RAPGEF4: variants seen among roughly 807,000 people sequenced by gnomAD.
The protein encoded by RAPGEF4 is Rap guanine nucleotide exchange factor 4.
Under a neutral mutation model 147.9 loss-of-function variants are expected in RAPGEF4, and 66 were observed. The observed-to-expected ratio is 0.45, with a 90% CI of 0.37 to 0.55. The LOEUF (loss-of-function observed/expected upper bound fraction) is 0.55, where lower values mean the gene tolerates loss of function less well. Ranked by LOEUF, RAPGEF4 falls within the 20% of genes least tolerant of loss-of-function variation. The pLI, the probability that RAPGEF4 is intolerant of heterozygous loss-of-function variation, is 0.00. For synonymous variants in RAPGEF4, 419 were observed against 442.7 expected (o/e 0.95, Z 0.67); for missense variants, 1,071 against 1,257.3 (o/e 0.85, Z 2.24).
chr2:172,878,766 G>C (rs938819728), intron 4 of RAPGEF4, among the ~76,000 whole-genome samples: 1 of 152,116 alleles, frequency 6.6e-6, no homozygotes, highest in East Asian at 1.9e-4. Context: ...GTGTATAGGC[G>C]ATTCACAAAG....
chr2:172,771,545 C>T (rs1032874265), intron 1 of RAPGEF4, among the ~76,000 whole-genome samples: 3 of 151,892 alleles, frequency 2.0e-5, no homozygotes, highest in South Asian at 2.1e-4. Flanking sequence ...ATATTTTCCC[C>T]GAAATGCATT....
At chr2:173,039,600 A>AAC (rs1483879815) in intron 29 of RAPGEF4, among the ~76,000 whole-genome samples, 1 of 152,148 alleles carries the variant, frequency 6.6e-6, no homozygotes, top group Non-Finnish European at 1.5e-5. Flanking sequence ...AACCACAGGG[A>AAC]AAGGGAAAGG....
intron 1 of RAPGEF4, among the ~76,000 whole-genome samples, chr2:172,791,622 T>TA (rs1317197878): frequency 6.6e-5 from 10 of 152,166 alleles, no homozygotes; most frequent in Non-Finnish European, 1.5e-4. Flanking sequence ...TTCTGAGGCT[T>TA]AAATATTAAA....
intron 6 of RAPGEF4, among the ~76,000 whole-genome samples, chr2:172,948,405 G>T (rs1687892312): frequency 6.6e-6 from 1 of 152,088 alleles, no homozygotes; most frequent in African/African-American, 2.4e-5. Flanking sequence ...GTAATTCTTA[G>T]AAGTGTCCCA....
In RAPGEF4 at chr2:172,936,227, G is replaced by C. The variant is rs542604107; in HGVS notation, c.537+13927G>C. 4.7e-4 allele frequency among the ~76,000 whole-genome samples: 71 copies of C among 152,212 alleles called. 1 individual carries two copies. Among genetic ancestry groups the C allele is most frequent in the African/African-American group, 1.6e-3 (68 of 41,534 alleles). ...TACTAAAGTACAAAAAATTAGCCGG[G>C]CATGGCGTGTGTGCCTGTAGTCCCA... On this transcript the variant is annotated intron_variant, in intron 6 of 30. Coordinates refer to ENST00000397081, the MANE Select transcript of RAPGEF4 (RefSeq NM_007023.4).
At chr2:173,028,559 A>G (rs922516625) in intron 25 of RAPGEF4, among the ~76,000 whole-genome samples, 2 of 151,764 alleles carry the variant, frequency 1.3e-5, no homozygotes, top group African/African-American at 4.8e-5. Context: ...ACTTTTTTTT[A>G]TATATATATA....
chr2:172,966,835 T>C (rs973191155), intron 9 of RAPGEF4, among the ~76,000 whole-genome samples: 8 of 152,294 alleles, frequency 5.3e-5, no homozygotes, highest in Admixed American at 4.6e-4. Context: ...AAGAATAACA[T>C]AAATTCTGAT....
chr2:172,852,432 A>G (rs142251652), intron 4 of RAPGEF4, among the ~76,000 whole-genome samples: 13 of 152,288 alleles, frequency 8.5e-5, no homozygotes, highest in African/African-American at 2.9e-4. Flanking sequence ...ACTCTTATAT[A>G]GTGCTTACTT....
intron 1 of RAPGEF4, among the ~76,000 whole-genome samples, chr2:172,757,577 C>A (rs532656556): frequency 2.6e-5 from 4 of 152,156 alleles, no homozygotes; most frequent in Admixed American, 2.6e-4. Flanking sequence ...CTTTGGATTT[C>A]GAATCCAGGT....
intron 8 of RAPGEF4, among the ~76,000 whole-genome samples, chr2:172,963,719 C>T (rs535368639): frequency 1.3e-5 from 2 of 152,300 alleles, no homozygotes; most frequent in South Asian, 2.1e-4. Context: ...GTCTGAGTTC[C>T]TTGTCCCAGA....
chr2:172,908,758 C>T (rs2149995645), intron 4 of RAPGEF4, among the ~76,000 whole-genome samples: 1 of 152,206 alleles, frequency 6.6e-6, no homozygotes, highest in South Asian at 2.1e-4. Context: ...GTGGTGTGCC[C>T]TCGGCTGAGG....
At chr2:172,861,886 C>T (rs1559081937) in intron 4 of RAPGEF4, among the ~76,000 whole-genome samples, 1 of 152,180 alleles carries the variant, frequency 6.6e-6, no homozygotes, top group East Asian at 1.9e-4. Context: ...AGTTTGGCCT[C>T]TAATTTCCTT....
chr2:172,995,497 T>C (rs1485021304), intron 15 of RAPGEF4, among the ~76,000 whole-genome samples: 1 of 152,086 alleles, frequency 6.6e-6, no homozygotes, highest in Non-Finnish European at 1.5e-5. Flanking sequence ...CCAGGCTGGT[T>C]GCGAACTTCT....
chr2:172,984,179 C>T (rs1691989117), intron 11 of RAPGEF4, among the ~76,000 whole-genome samples: 1 of 152,182 alleles, frequency 6.6e-6, no homozygotes, highest in Admixed American at 6.5e-5. Flanking sequence ...GGGATAGGAA[C>T]ACCTCCTCCC....
chr2:172,994,417 T>G (rs1693121071), intron 15 of RAPGEF4, among the ~76,000 whole-genome samples: 1 of 152,238 alleles, frequency 6.6e-6, no homozygotes, highest in African/African-American at 2.4e-5. Flanking sequence ...CAGACACACC[T>G]GGCTCATGTC....
At chr2:172,962,684 G>T (rs1294376958) in intron 8 of RAPGEF4, among the ~76,000 whole-genome samples, 1 of 152,026 alleles carries the variant, frequency 6.6e-6, no homozygotes, top group African/African-American at 2.4e-5. Flanking sequence ...CTTGTTGACC[G>T]AATTTTGGAA....
chr2:172,849,198 G>A (rs1351517104), intron 4 of RAPGEF4, among the ~76,000 whole-genome samples: 1 of 151,360 alleles, frequency 6.6e-6, no homozygotes, highest in Non-Finnish European at 1.5e-5. Context: ...CTTAATCATT[G>A]GTTTACTGCC....
chr2:172,762,839 C>T (rs1344676447), intron 1 of RAPGEF4, among the ~76,000 whole-genome samples: 3 of 152,102 alleles, frequency 2.0e-5, no homozygotes, highest in Non-Finnish European at 4.4e-5. Flanking sequence ...CGAGTGGGGC[C>T]ATTGATAAAA....
At chr2:172,889,797 A>T in intron 4 of RAPGEF4, 1 of 976,646 alleles carries the variant, frequency 1.0e-6, no homozygotes, top group Non-Finnish European at 1.2e-6. Flanking sequence ...GTAAGATTCT[A>T]GTCAATGTCA....
Sources: allele counts gnomAD v4.1 joint callset (sites outside exome capture counted in the v4.1 genomes callset), GRCh38; gene constraint gnomAD v4.1.1; transcripts MANE v1.5; gene names NCBI Gene and HGNC (gene_info 2026-07-23, HGNC 2026-07-21).